Variants in PTPRZ1 observed in about 807,000 individuals in gnomAD.
PTPRZ1 encodes receptor-type tyrosine-protein phosphatase zeta.
PTPRZ1 carries 82 observed loss-of-function variants against 214.1 expected under a neutral mutation model. The observed-to-expected ratio is 0.38, with a 90% CI of 0.32 to 0.46. PTPRZ1 has a LOEUF of 0.46. Among genes scored for constraint, PTPRZ1 ranks in the 20% least tolerant of loss-of-function variants. PTPRZ1 has a pLI of 1.00. For synonymous variants in PTPRZ1, 945 were observed against 987.9 expected, an observed-to-expected ratio of 0.96 and a Z score of 0.81; for missense variants, 2,603 against 2,748.7, an observed-to-expected ratio of 0.95 and a Z score of 1.19.
intron 2 of PTPRZ1, among the ~76,000 whole-genome samples, chr7:121,945,191 T>TA (rs1796336977): frequency 6.6e-6 from 1 of 152,050 alleles, no homozygotes; most frequent in African/African-American, 2.4e-5. Context: ...CAGCAGAAAA[T>TA]AAAAAAGACT....
intron 2 of PTPRZ1, among the ~76,000 whole-genome samples, chr7:121,963,360 G>T (rs1796937835): frequency 1.3e-5 from 2 of 152,206 alleles, no homozygotes; most frequent in African/African-American, 4.8e-5. Context: ...GGAGTTTTAG[G>T]TGGGGACACA....
intron 8 of PTPRZ1, among the ~76,000 whole-genome samples, chr7:121,995,143 G>T (rs1174145228): frequency 6.6e-6 from 1 of 152,136 alleles, no homozygotes; most frequent in East Asian, 1.9e-4. Flanking sequence ...ATTGTTAGTT[G>T]TGGGTGCCCT....
chr7:122,045,594 G>T (rs1016196548), intron 23 of PTPRZ1, among the ~76,000 whole-genome samples: 3 of 151,674 alleles, frequency 2.0e-5, no homozygotes, highest in African/African-American at 7.3e-5. Flanking sequence ...AATGCCTTAG[G>T]GGGGAAAAGA....
At chr7:121,994,681 G>A (rs1001207340) in intron 8 of PTPRZ1, among the ~76,000 whole-genome samples, 6 of 152,126 alleles carry the variant, frequency 3.9e-5, no homozygotes, top group African/African-American at 1.4e-4. Context: ...GCAAGAACGA[G>A]CTTGTTGCTC....
At chr7:121,904,079 A>T (rs547873343) in intron 1 of PTPRZ1, among the ~76,000 whole-genome samples, 1 of 152,106 alleles carries the variant, frequency 6.6e-6, no homozygotes, top group African/African-American at 2.4e-5. Context: ...AATATAAGTT[A>T]CTTTTTTTCT....
chr7:122,002,703 A>G (rs2116630243), intron 10 of PTPRZ1, among the ~76,000 whole-genome samples: 1 of 152,328 alleles, frequency 6.6e-6, no homozygotes, highest in South Asian at 2.1e-4. Flanking sequence ...AAAAGTATGA[A>G]GTTAGGTGGA....
intron 1 of PTPRZ1, among the ~76,000 whole-genome samples, chr7:121,908,145 A>C (rs1417042223): frequency 1.3e-5 from 2 of 152,130 alleles, no homozygotes; most frequent in African/African-American, 4.8e-5. Context: ...AAGAAGGGTT[A>C]ATCATTTGTC....
chr7:121,926,337 TTAAAG>T (rs1471093542), intron 1 of PTPRZ1, among the ~76,000 whole-genome samples: 1 of 151,288 alleles, frequency 6.6e-6, no homozygotes, highest in African/African-American at 2.4e-5. Flanking sequence ...TACAATATTC[TTAAAG>T]TAAATTCTAT....
At chr7:121,970,466 G>T (rs1360773176) in intron 3 of PTPRZ1, among the ~76,000 whole-genome samples, 1 of 152,058 alleles carries the variant, frequency 6.6e-6, no homozygotes, top group Non-Finnish European at 1.5e-5. Context: ...AGCACCTGTT[G>T]TTTCCTGACT....
At chr7:122,051,186 A>G (rs992978572) in intron 23 of PTPRZ1, among the ~76,000 whole-genome samples, 4 of 152,200 alleles carry the variant, frequency 2.6e-5, no homozygotes, top group South Asian at 2.1e-4. Context: ...TCTCAATGCT[A>G]AAAGAATTAC....
Position 122,011,364 on chromosome 7 carries a change from C to G in PTPRZ1, c.2318C>G (p.Pro773Arg), listed in dbSNP as rs777756813. 1 of 1,614,090 alleles carries G rather than the reference C, an allele frequency of 6.2e-7. No homozygotes were observed. Among genetic ancestry groups the G allele is most frequent in the South Asian group, 1.1e-5 (1 of 91,082 alleles). ...AGTGAAGTCTTTCCTCTAGTCACCCCTTTGTTGCTTGACAATCAGATCCTC... is the reference window on the plus strand; with the variant it reads ...AGTGAAGTCTTTCCTCTAGTCACCCGTTTGTTGCTTGACAATCAGATCCTC... The part of the protein sequence containing the change: ...YSSEVFPLVT[P>R]LLLDNQILNT... Residue 773 changes from proline to arginine, a missense_variant, in exon 12 of 30, where the codon CCT (proline) becomes CGT (arginine). Physicochemically the swap from Pro to Arg is moderately radical, Grantham distance 103. Transcript: ENST00000393386.
chr7:121,928,091 G>T (rs1795816777), intron 1 of PTPRZ1, 65 bp from the exon 2 acceptor site: 5 of 1,120,028 alleles, frequency 4.5e-6, no homozygotes, highest in Non-Finnish European at 6.8e-6. Flanking sequence ...GAATAATTTG[G>T]GCATCTTTTA....
At chr7:121,946,279 G>A (rs1796372216) in intron 2 of PTPRZ1, among the ~76,000 whole-genome samples, 1 of 152,144 alleles carries the variant, frequency 6.6e-6, no homozygotes, top group African/African-American at 2.4e-5. Context: ...AGGTATTCCT[G>A]TATGTGGTAA....
intron 1 of PTPRZ1, among the ~76,000 whole-genome samples, chr7:121,905,591 A>G (rs1046749925): frequency 4.0e-5 from 6 of 151,230 alleles, no homozygotes; most frequent in Non-Finnish European, 8.8e-5. Flanking sequence ...GTTAATCTGA[A>G]GTACATGTAA....
At chr7:122,058,018 A>C (rs999388334) in intron 27 of PTPRZ1, among the ~76,000 whole-genome samples, 1 of 151,036 alleles carries the variant, frequency 6.6e-6, no homozygotes, top group Non-Finnish European at 1.5e-5. Context: ...TTGTTCTAGG[A>C]CATTTATTTT....
At chr7:121,912,550 A>T (rs1309314534) in intron 1 of PTPRZ1, among the ~76,000 whole-genome samples, 1 of 152,170 alleles carries the variant, frequency 6.6e-6, no homozygotes. Context: ...GGAAATATAG[A>T]TGCTTAGTGC....
intron 1 of PTPRZ1, among the ~76,000 whole-genome samples, chr7:121,878,231 T>C (rs1364124101): frequency 2.0e-5 from 3 of 152,158 alleles, no homozygotes; most frequent in Non-Finnish European, 4.4e-5. Context: ...AATAAAACAA[T>C]TCAGTTCCCT....
intron 1 of PTPRZ1, among the ~76,000 whole-genome samples, chr7:121,919,891 C>T (rs1306193345): frequency 6.6e-6 from 1 of 151,806 alleles, no homozygotes; most frequent in African/African-American, 2.4e-5. Context: ...TCAATTTTTA[C>T]TCTCCATTTA....
intron 12 of PTPRZ1, 118 bp downstream of exon 12, chr7:122,014,007 C>G (rs1035742713): frequency 1.0e-5 from 8 of 796,848 alleles, no homozygotes; most frequent in African/African-American, 1.8e-5. Flanking sequence ...TTTTTAAAAT[C>G]AAAACATTCA....
Sources: gnomAD v4.1 joint callset for allele counts (sites outside exome capture counted in the v4.1 genomes callset) on GRCh38, gnomAD v4.1.1 for gene constraint, MANE v1.5 for transcripts, NCBI Gene and HGNC (gene_info 2026-07-23, HGNC 2026-07-21) for gene names.